Variants in HPSE observed in about 807,000 individuals in gnomAD.
HPSE encodes endo-glucoronidase.
In HPSE, 48 loss-of-function variants were observed where a neutral mutation model predicts 65.1. The ratio of observed to expected loss-of-function variants is 0.74; its 90% confidence interval spans 0.58 to 0.94. The LOEUF is 0.94. HPSE is among the 40% of genes least tolerant of loss of function. The pLI is 0.00. For synonymous variants in HPSE, 243 were observed against 260.0 expected (o/e 0.93, Z 0.63); for missense variants, 644 against 637.5 (o/e 1.01, Z -0.11).
At chr4:83,321,884 G>A (rs1013714246) in intron 2 of HPSE, among the ~76,000 whole-genome samples, 7 of 151,210 alleles carry the variant, frequency 4.6e-5, no homozygotes, top group Non-Finnish European at 1.0e-4. Context: ...AGTTTGACGC[G>A]ATTCTACCCA....
intron 1 of HPSE, among the ~76,000 whole-genome samples, chr4:83,325,675 C>T (rs1737122643): frequency 6.6e-6 from 1 of 152,158 alleles, no homozygotes; most frequent in Non-Finnish European, 1.5e-5. Context: ...ATAGGCAATT[C>T]TTTAAAAATG....
At chr4:83,306,947 G>T (rs1254937745) in intron 8 of HPSE, among the ~76,000 whole-genome samples, 1 of 152,086 alleles carries the variant, frequency 6.6e-6, no homozygotes. Context: ...GAACTGGGTG[G>T]ATCATTTGAG....
At chr4:83,320,788 C>G (rs936646777) in intron 2 of HPSE, among the ~76,000 whole-genome samples, 6 of 152,102 alleles carry the variant, frequency 3.9e-5, no homozygotes, top group African/African-American at 1.4e-4. Flanking sequence ...ACCCCAGTTT[C>G]CCCCACCGAC....
At chr4:83,328,452 C>T (rs1178555599) in intron 1 of HPSE, among the ~76,000 whole-genome samples, 5 of 152,294 alleles carry the variant, frequency 3.3e-5, no homozygotes, top group Middle Eastern at 3.4e-3. Flanking sequence ...TAACTAATAA[C>T]GTCTGCAATG....
At chr4:83,335,066 T>C (rs1000248580), upstream of HPSE, 1 of 426,196 alleles carries the variant, frequency 2.3e-6, no homozygotes, top group Non-Finnish European at 4.1e-6. Context: ...CCACACCCAC[T>C]TGAAGGGTGC....
rs757562812 is a variant in HPSE, at chr4:83,299,363, CAAAAA to C, written c.1472+1592_1472+1596del. ...TGGACAACAGAGTGAGACTCTGTCT[CAAAAA>C]AAAAAAAAAAAAAAAAAAAAAGAAG... is the stretch of plus-strand genomic sequence containing the variant. On this transcript the variant is annotated intron_variant, in intron 11 of 11. Coordinates refer to ENST00000311412, the MANE Select transcript of HPSE (RefSeq NM_001098540.3). Among the ~76,000 whole-genome samples, 18 of 90,994 alleles carry C rather than the reference CAAAAA, an allele frequency of 2.0e-4. 1 individual carries two copies. The highest frequency in any genetic ancestry group is 5.2e-4 in the Admixed American group (4 of 7,644). 59.7% of individuals were successfully genotyped at this position (90,994 alleles called of 152,430 possible).
At chr4:83,320,517 G>T (rs962553975) in intron 2 of HPSE, among the ~76,000 whole-genome samples, 67 of 151,128 alleles carry the variant, frequency 4.4e-4, no homozygotes, top group Non-Finnish European at 1.6e-4. Flanking sequence ...AGTGAGCCAA[G>T]ATCCCGCCAT....
At chr4:83,314,405 A>G (rs1237684813) in intron 3 of HPSE, among the ~76,000 whole-genome samples, 8 of 152,222 alleles carry the variant, frequency 5.3e-5, no homozygotes, top group Non-Finnish European at 1.5e-5. Flanking sequence ...TGCAAGGAAA[A>G]AAACATCAAC....
At chr4:83,320,004 T>C (rs968490187) in intron 2 of HPSE, among the ~76,000 whole-genome samples, 16 of 123,662 alleles carry the variant, frequency 1.3e-4, no homozygotes, top group African/African-American at 5.1e-4. Flanking sequence ...TGGGTGACAC[T>C]GGGCGACAAA....
chr4:83,316,967 C>G (rs1007367930), intron 3 of HPSE, among the ~76,000 whole-genome samples: 11 of 152,188 alleles, frequency 7.2e-5, no homozygotes, highest in African/African-American at 2.2e-4. Context: ...GTGGCGCAAT[C>G]TCGGCTCACC....
chr4:83,319,600 C>G, intron 2 of HPSE, 131 bp from the exon 3 acceptor site: 2 of 894,506 alleles, frequency 2.2e-6, no homozygotes, highest in Non-Finnish European at 3.3e-6. Context: ...GGTAGGAGAG[C>G]AGAGAAAAGG....
chr4:83,311,292 A>C (rs766882034), intron 4 of HPSE, among the ~76,000 whole-genome samples: 11 of 152,204 alleles, frequency 7.2e-5, no homozygotes, highest in Non-Finnish European at 1.2e-4. Flanking sequence ...GTGACAGAGC[A>C]AGCGTCTGTC....
intron 3 of HPSE, among the ~76,000 whole-genome samples, chr4:83,318,093 T>C (rs1360844432): frequency 6.6e-6 from 1 of 152,208 alleles, no homozygotes; most frequent in Non-Finnish European, 1.5e-5. Flanking sequence ...ATCTGATACA[T>C]TGAACTCCAG....
intron 1 of HPSE, among the ~76,000 whole-genome samples, chr4:83,325,907 C>T (rs889461026): frequency 3.9e-5 from 6 of 152,254 alleles, no homozygotes; most frequent in South Asian, 4.1e-4. Flanking sequence ...GCACCATTGA[C>T]GAGCAGAAGG....
At chr4:83,307,237 T>C (rs1214059838) in intron 8 of HPSE, among the ~76,000 whole-genome samples, 3 of 152,196 alleles carry the variant, frequency 2.0e-5, no homozygotes, top group Admixed American at 6.5e-5. Flanking sequence ...GTCTTGATAA[T>C]TGGCTCTATC....
chr4:83,327,668 A>G (rs1220428813), intron 1 of HPSE, among the ~76,000 whole-genome samples: 2 of 152,236 alleles, frequency 1.3e-5, no homozygotes, highest in Non-Finnish European at 2.9e-5. Context: ...TCTCTGACAC[A>G]AAAGCAGAGG....
intron 9 of HPSE, among the ~76,000 whole-genome samples, chr4:83,305,838 A>G (rs1016902654): frequency 3.9e-5 from 6 of 152,230 alleles, no homozygotes; most frequent in Non-Finnish European, 7.3e-5. Context: ...AACATAAAAA[A>G]TGTTTTGAAG....
chr4:83,319,117 T>A lies in HPSE; in HGVS notation c.499+227A>T, dbSNP rs577828269. On this transcript the variant is annotated intron_variant, in intron 3 of 11. Transcript: ENST00000311412. ...AGGTCATTGTTAGATCATGAATGATTGATTTATCTTTCATTCTGTGACTAC... is the reference window on the plus strand; with the variant it reads ...AGGTCATTGTTAGATCATGAATGATAGATTTATCTTTCATTCTGTGACTAC... 1.1e-4 allele frequency among the ~76,000 whole-genome samples: 17 copies of A among 152,310 alleles called. No individual in the cohort carries two copies. The South Asian group carries it at 3.5e-3, about 32-fold the overall frequency.
rs917479378 is a variant in HPSE, at chr4:83,334,576, C to G, written c.207G>C (p.Pro69=). The change falls in exon 1 of 12, where the codon CCG becomes CCC. Residue 69 remains proline (P), a synonymous_variant. Transcript: ENST00000311412. ...CTTACCCCAGGAGGATGAGGAACCG[C>G]GGGTCCGTGGCCAGGTTGGCGTCAA... ...VTIDANLATD[P]RFLILLGSPK... is the part of the protein sequence containing the mutation. 3.2e-6 allele frequency: 5 copies of G among 1,587,052 alleles called. No individual in the cohort carries two copies. Among genetic ancestry groups the G allele is most frequent in the South Asian group, 1.2e-5 (1 of 86,862 alleles).
Sources: gnomAD v4.1 joint callset for allele counts (sites outside exome capture counted in the v4.1 genomes callset) on GRCh38, gnomAD v4.1.1 for gene constraint, MANE v1.5 for transcripts, NCBI Gene and HGNC (gene_info 2026-07-23, HGNC 2026-07-21) for gene names.